MTRF1: variants seen among roughly 807,000 people sequenced by gnomAD.
MTRF1 encodes mitochondrial translation release factor 1.
A neutral mutation model predicts 62.9 loss-of-function variants in MTRF1; 51 were observed. The observed-to-expected ratio is 0.81, with a 90% CI of 0.65 to 1.02. The LOEUF (loss-of-function observed/expected upper bound fraction) is 1.02. Ranked by LOEUF, MTRF1 falls within the 50% of genes least tolerant of loss-of-function variation. The pLI, the probability that MTRF1 is intolerant of heterozygous loss-of-function variation, is 0.00. For missense variants in MTRF1, 446 were observed against 530.0 expected, an observed-to-expected ratio of 0.84 and a Z score of 1.56; for synonymous variants, 158 against 181.9, an observed-to-expected ratio of 0.87 and a Z score of 1.06.
At chr13:41,305,203 T>C in the MTRF1 span, among the ~76,000 whole-genome samples, 1 of 152,182 alleles carries the variant, frequency 6.6e-6, no homozygotes, top group Non-Finnish European at 1.5e-5. Flanking sequence ...ACTACAGGCA[T>C]ATGCCACTAT....
chr13:41,218,379 C>A (rs1264983815), intron 9 of MTRF1, among the ~76,000 whole-genome samples: 3 of 150,804 alleles, frequency 2.0e-5, no homozygotes, highest in African/African-American at 7.4e-5. Context: ...CCACCTCTGC[C>A]TCTCAAAGTG....
chr13:41,299,377 T>C, the MTRF1 span, among the ~76,000 whole-genome samples: 2 of 152,244 alleles, frequency 1.3e-5, no homozygotes, highest in Non-Finnish European at 2.9e-5. Context: ...TATTTTCTTT[T>C]CTTTTAGAGC....
At chr13:41,251,572 C>A (rs1434082075) in intron 5 of MTRF1, among the ~76,000 whole-genome samples, 1 of 152,176 alleles carries the variant, frequency 6.6e-6, no homozygotes, top group Non-Finnish European at 1.5e-5. Flanking sequence ...TCTCTGCTCT[C>A]ATGGATAATC....
chr13:41,217,307 C>G, intron 9 of MTRF1, 79 bp from the exon 10 acceptor site: 2 of 773,236 alleles, frequency 2.6e-6, no homozygotes. Flanking sequence ...TATTTAATTT[C>G]TTTGCAGTCA....
Position 41,252,692 on chromosome 13 carries a change from T to C in MTRF1, c.650A>G (p.Tyr217Cys). ...CAGAAGTTCAAATTGCCAGTGTTTA[T>C]AGCACGAATAATTCTGGTACATGTC... ...IFDMYQNYSC[Y>C]KHWQFELLNY... The change falls in exon 5 of 10, where the codon TAT becomes TGT. Residue 217 changes from tyrosine (Y) to cysteine (C), a missense_variant. By Grantham distance (194) the Tyr-to-Cys change is radical. Coordinates refer to ENST00000379480, the MANE Select transcript of MTRF1 (RefSeq NM_004294.4). 6.2e-7 allele frequency: 1 copy of C among 1,613,824 alleles called. No homozygotes were observed. Among genetic ancestry groups the C allele is most frequent in the South Asian group, 1.1e-5 (1 of 91,082 alleles).
At chr13:41,294,764 G>C in the MTRF1 span, among the ~76,000 whole-genome samples, 1 of 152,092 alleles carries the variant, frequency 6.6e-6, no homozygotes, top group Admixed American at 6.6e-5. Context: ...GTTGTGATAA[G>C]GTTTGTGAAA....
rs2039229877 is a variant in MTRF1 at position 41,252,743 on chromosome 13, C to T, written c.599G>A (p.Cys200Tyr). ...TAGRTTGGDI[C>Y]QQFTREIFDM... Reference sequence around the variant, plus strand: ...AAATATTTCTCGGGTAAATTGTTGGCAGATGTCACCTAAAACAAAATACGA... The same window carrying T: ...AAATATTTCTCGGGTAAATTGTTGGTAGATGTCACCTAAAACAAAATACGA... Residue 200 changes from cysteine (C) to tyrosine (Y), a missense_variant, in exon 5 of 10, where the codon TGC (cysteine) becomes TAC (tyrosine). Cys to Tyr is a radical substitution (Grantham distance 194). Coordinates refer to ENST00000379480, the MANE Select transcript of MTRF1 (RefSeq NM_004294.4). The T allele has an allele frequency of 6.2e-7, 1 of 1,612,940 alleles. No homozygotes were observed. Among genetic ancestry groups the T allele is most frequent in the African/African-American group, 1.3e-5 (1 of 74,874 alleles).
At chr13:41,306,074 T>C in the MTRF1 span, among the ~76,000 whole-genome samples, 19 of 151,866 alleles carry the variant, frequency 1.3e-4, no homozygotes, top group African/African-American at 4.3e-4. Flanking sequence ...GGAATAAGAG[T>C]ACCTTTCTTT....
the MTRF1 span, among the ~76,000 whole-genome samples, chr13:41,275,355 C>T: frequency 6.6e-6 from 1 of 152,110 alleles, no homozygotes; most frequent in African/African-American, 2.4e-5. Flanking sequence ...CACCCGCCAC[C>T]ATGCCCGGCT....
the MTRF1 span, among the ~76,000 whole-genome samples, chr13:41,303,626 G>C: frequency 1.3e-5 from 2 of 152,192 alleles, no homozygotes; most frequent in Admixed American, 6.5e-5. Context: ...ATTTGAACCA[G>C]AGCTACTCCA....
Position 41,252,815 on chromosome 13 carries a change from A to G in MTRF1, c.590-63T>C, listed in dbSNP as rs2039242318. On this transcript the variant is annotated intron_variant, in intron 4 of 9. Transcript: ENST00000379480. ...TTTCGGAAAGCCACCCTTAAGACTAAGTCCTTTAGGAAATAAAGAATAACT... is the reference window on the plus strand; with the variant it reads ...TTTCGGAAAGCCACCCTTAAGACTAGGTCCTTTAGGAAATAAAGAATAACT... 5 of 1,440,646 alleles carry G rather than the reference A, an allele frequency of 3.5e-6. No individual in the cohort carries two copies. The East Asian group carries it at 1.1e-4, about 33-fold the overall frequency. 89.2% of individuals were successfully genotyped at this position (1,440,646 alleles called of 1,614,324 possible).
chr13:41,280,177 C>T, the MTRF1 span, among the ~76,000 whole-genome samples: 491 of 152,202 alleles, frequency 3.2e-3, 4 homozygotes, highest in East Asian at 0.026. Flanking sequence ...CCTTGTGATC[C>T]GCCCACCCTG....
intron 6 of MTRF1, chr13:41,236,477 T>G (rs921743160): frequency 6.6e-6 from 1 of 152,194 alleles, no homozygotes; most frequent in Non-Finnish European, 1.5e-5. Flanking sequence ...CATTTATTAG[T>G]GTGAATGACA....
the MTRF1 span, among the ~76,000 whole-genome samples, chr13:41,310,044 C>G: frequency 2.0e-5 from 3 of 152,184 alleles, no homozygotes; most frequent in African/African-American, 4.8e-5. Context: ...TTACAGCCGA[C>G]TAAATGCAGT....
At chr13:41,268,561 A>G (rs1017962426), upstream of MTRF1, among the ~76,000 whole-genome samples, 13 of 152,182 alleles carry the variant, frequency 8.5e-5, no homozygotes, top group African/African-American at 3.1e-4. Flanking sequence ...AAAATGAAAG[A>G]AAAGAAAAAG....
At chr13:41,221,969 T>C (rs1188493417) in intron 9 of MTRF1, among the ~76,000 whole-genome samples, 1 of 152,206 alleles carries the variant, frequency 6.6e-6, no homozygotes. Flanking sequence ...CTAAGCAAGA[T>C]AGCCTTATCC....
chr13:41,242,171 G>A (rs192566637), intron 5 of MTRF1, among the ~76,000 whole-genome samples: 1 of 151,852 alleles, frequency 6.6e-6, no homozygotes, highest in Admixed American at 6.6e-5. Context: ...TTAATCCTCT[G>A]AAGATGACCA....
chr13:41,255,067 G>C (rs1010262705), intron 2 of MTRF1, among the ~76,000 whole-genome samples: 12 of 152,270 alleles, frequency 7.9e-5, no homozygotes, highest in African/African-American at 2.6e-4. Flanking sequence ...GAGCAAACTG[G>C]AGTGAGCATT....
the MTRF1 span, among the ~76,000 whole-genome samples, chr13:41,273,126 A>G: frequency 2.6e-5 from 4 of 152,150 alleles, no homozygotes; most frequent in Admixed American, 6.5e-5. Context: ...GGAGATCGAG[A>G]CCATCCTAGC....
Sources: gnomAD v4.1 joint callset for allele counts (sites outside exome capture counted in the v4.1 genomes callset) on GRCh38, gnomAD v4.1.1 for gene constraint, MANE v1.5 for transcripts, NCBI Gene and HGNC (gene_info 2026-07-23, HGNC 2026-07-21) for gene names.